The following SPATS2L variants were observed in gnomAD, a reference collection of about 807,000 sequenced individuals.
SPATS2L encodes the protein spermatogenesis associated serine rich 2 like.
A neutral mutation model predicts 59.6 loss-of-function variants in SPATS2L; 30 were observed. The observed-to-expected ratio is 0.50, with a 90% confidence interval of 0.38 to 0.68. SPATS2L has a LOEUF of 0.68. Ranked by LOEUF, SPATS2L falls within the 30% of genes least tolerant of loss-of-function variation. The probability of loss-of-function intolerance (pLI) is 0.00; values close to 1 mark genes in which losing one functional copy is unlikely to be tolerated. For synonymous variants in SPATS2L, 252 were observed against 263.5 expected, an observed-to-expected ratio of 0.96 and a Z score of 0.42; for missense variants, 615 against 700.0, an observed-to-expected ratio of 0.88 and a Z score of 1.37.
chr2:200,360,755 T>C (rs1346023896), intron 2 of SPATS2L, among the ~76,000 whole-genome samples: 1 of 152,154 alleles, frequency 6.6e-6, no homozygotes, highest in Non-Finnish European at 1.5e-5. Context: ...TTGTTTCAAA[T>C]GTATCTACCT....
rs774175682 is a variant in SPATS2L, at chr2:200,439,305, C to T, written c.629C>T (p.Pro210Leu). 6.2e-7 allele frequency: 1 copy of T among 1,613,338 alleles called. No individual in the cohort carries two copies. The highest frequency in any genetic ancestry group is 1.1e-5 in the South Asian group (1 of 91,060). ...CCTGCAGCTCATCTTGAAATAAAGCCAGATGAGTTGGCAAAGAAAAGAGGT... is the reference window on the plus strand; with the variant it reads ...CCTGCAGCTCATCTTGAAATAAAGCTAGATGAGTTGGCAAAGAAAAGAGGT... ...NTPAAHLEIK[P>L]DELAKKRGPN... The change falls in exon 7 of 13, where the codon CCA becomes CTA. Residue 210 changes from proline (P) to leucine (L), a missense_variant. By Grantham distance (98) the Pro-to-Leu change is moderately conservative. This residue lies in a region of SPATS2L where 227 missense variants were observed against 257.4 expected (regional missense o/e 0.88). Coordinates refer to ENST00000409140, the MANE Select transcript of SPATS2L (RefSeq NM_001100423.2).
intron 2 of SPATS2L, among the ~76,000 whole-genome samples, chr2:200,381,037 A>G (rs944351462): frequency 2.0e-5 from 3 of 152,216 alleles, no homozygotes; most frequent in African/African-American, 7.2e-5. Flanking sequence ...CCAGATAAGG[A>G]GTAGCAAAGG....
intron 6 of SPATS2L, among the ~76,000 whole-genome samples, chr2:200,432,001 T>G (rs2083966679): frequency 6.6e-6 from 1 of 152,222 alleles, no homozygotes. Flanking sequence ...TGCAGCTGAG[T>G]GTAAATGGTA....
intron 8 of SPATS2L, among the ~76,000 whole-genome samples, chr2:200,445,119 T>A (rs2084947190): frequency 6.6e-6 from 1 of 151,746 alleles, no homozygotes; most frequent in African/African-American, 2.4e-5. Flanking sequence ...GAAACCAATC[T>A]GGGCAACACA....
intron 2 of SPATS2L, chr2:200,378,138 C>T (rs775371549): frequency 7.2e-6 from 5 of 693,094 alleles, no homozygotes; most frequent in Non-Finnish European, 9.0e-6. Context: ...TTCTGTTGCT[C>T]AGGTGACCAA....
At chr2:200,416,344 T>C in intron 4 of SPATS2L, 35 bp from the exon 5 acceptor site, 1 of 1,223,458 alleles carries the variant, frequency 8.2e-7, no homozygotes, top group Non-Finnish European at 1.1e-6. Context: ...TTTTATGATG[T>C]GAATATTTGT....
chr2:200,439,321 G>A lies in SPATS2L; in HGVS notation c.645G>A (p.Lys215=), dbSNP rs1003859694. Residue 215 remains lysine, a synonymous_variant, in exon 7 of 13, where the codon AAG becomes AAA. Transcript: ENST00000409140. ...AAATAAAGCCAGATGAGTTGGCAAA[G>A]AAAAGAGGTAAAGTGATTTCTTTTG... ...HLEIKPDELA[K]KRGPNIEKSV... The A allele has an allele frequency of 6.2e-6, 10 of 1,612,012 alleles. No individual in the cohort carries two copies. The African/African-American group carries it at 1.3e-4, about 22-fold the overall frequency.
At chr2:200,424,524 A>G (rs575286601) in intron 6 of SPATS2L, among the ~76,000 whole-genome samples, 1 of 152,224 alleles carries the variant, frequency 6.6e-6, no homozygotes, top group African/African-American at 2.4e-5. Context: ...TATTTTACTA[A>G]AAGTAGTGCC....
chr2:200,371,947 C>T (rs1038218691), intron 2 of SPATS2L, among the ~76,000 whole-genome samples: 1 of 152,126 alleles, frequency 6.6e-6, no homozygotes, highest in Non-Finnish European at 1.5e-5. Flanking sequence ...CTAACAAAGC[C>T]GTAGATTTGA....
At chr2:200,370,473 G>A (rs1360276019) in intron 2 of SPATS2L, among the ~76,000 whole-genome samples, 1 of 152,130 alleles carries the variant, frequency 6.6e-6, no homozygotes, top group Non-Finnish European at 1.5e-5. Flanking sequence ...AACCCAGAGA[G>A]TGCCAAAGAA....
intron 1 of SPATS2L, among the ~76,000 whole-genome samples, chr2:200,322,495 G>T (rs774604180): frequency 2.0e-5 from 3 of 152,172 alleles, no homozygotes; most frequent in Non-Finnish European, 4.4e-5. Flanking sequence ...AATTGCTATA[G>T]GTATAAGTAT....
intron 2 of SPATS2L, among the ~76,000 whole-genome samples, chr2:200,355,886 TAAAGAAG>T (rs1559063283): frequency 6.6e-6 from 1 of 152,162 alleles, no homozygotes; most frequent in Non-Finnish European, 1.5e-5. Context: ...CATAAGGAAA[TAAAGAAG>T]GTTGTTTCCT....
chr2:200,427,781 C>T (rs1470363210), intron 6 of SPATS2L, among the ~76,000 whole-genome samples: 1 of 151,912 alleles, frequency 6.6e-6, no homozygotes, highest in Non-Finnish European at 1.5e-5. Context: ...TTATTGTTTC[C>T]CCAAATTTTT....
chr2:200,335,963 C>G (rs753073490), intron 2 of SPATS2L, among the ~76,000 whole-genome samples: 1 of 152,178 alleles, frequency 6.6e-6, no homozygotes, highest in African/African-American at 2.4e-5. Flanking sequence ...GGCTTCCCCA[C>G]TGTTCCATCT....
chr2:200,396,025 AAAAAAAAAAT>A (rs1420144823), intron 3 of SPATS2L, among the ~76,000 whole-genome samples: 1 of 42,014 alleles, frequency 2.4e-5, no homozygotes, highest in South Asian at 1.0e-3. Flanking sequence ...AAAAAAAAAA[AAAAAAAAAAT>A]ATATATATAT....
chr2:200,319,326 A>C (rs953598365), intron 1 of SPATS2L, among the ~76,000 whole-genome samples: 7 of 152,144 alleles, frequency 4.6e-5, no homozygotes, highest in Admixed American at 4.6e-4. Context: ...AGCATTTTGA[A>C]GGCCGAGGTG....
chr2:200,479,871 TG>T lies in SPATS2L; in HGVS notation c.*1843del, dbSNP rs2087736665. The T allele has an allele frequency of 2.5e-6, 1 of 397,716 alleles. No individual in the cohort carries two copies. The highest frequency in any genetic ancestry group is 2.1e-5 in the African/African-American group (1 of 48,640). The allele number at this position is 397,716 out of a possible 1,614,324, so 24.6% of individuals were successfully genotyped here. A position where few individuals can be genotyped will look rare whatever the true frequency, so the allele number is the denominator to read the frequency against. ...TCTGTAGAGAGCTTTCTGAGGTCTCTGGGTGTACCCAGAGATTTAATAGAAA... is the reference window on the plus strand; with the variant it reads ...TCTGTAGAGAGCTTTCTGAGGTCTCTGGTGTACCCAGAGATTTAATAGAAA... On this transcript the variant is annotated 3_prime_UTR_variant, in exon 13 of 13. Transcript: ENST00000409140.
At chr2:200,402,530 G>C (rs943237999) in intron 3 of SPATS2L, among the ~76,000 whole-genome samples, 15 of 152,054 alleles carry the variant, frequency 9.9e-5, no homozygotes, top group Non-Finnish European at 1.5e-5. Flanking sequence ...CATCATTCTC[G>C]GTTTAAGCTA....
chr2:200,342,637 G>A (rs1490841980), intron 2 of SPATS2L, among the ~76,000 whole-genome samples: 1 of 152,260 alleles, frequency 6.6e-6, no homozygotes, highest in Non-Finnish European at 1.5e-5. Context: ...ATTCTTTGGA[G>A]ATTTTATGCA....
Sources: allele counts gnomAD v4.1 joint callset (sites outside exome capture counted in the v4.1 genomes callset), GRCh38; gene constraint gnomAD v4.1.1; regional missense constraint gnomAD v4.1.1; transcripts MANE v1.5; gene names NCBI Gene and HGNC (gene_info 2026-07-23, HGNC 2026-07-21).